XKR9: variants seen among roughly 807,000 people sequenced by gnomAD.
XKR9 encodes XK related 9.
In XKR9, 32 loss-of-function variants were observed where a neutral mutation model predicts 32.0. The ratio of observed to expected loss-of-function variants is 1.00; its 90% CI spans 0.76 to 1.34. The LOEUF is 1.34. Ranked by LOEUF, XKR9 falls within the 40% of genes most tolerant of loss-of-function variation. The probability of loss-of-function intolerance (pLI) is 0.00; values close to 1 mark genes in which losing one functional copy is unlikely to be tolerated. For missense variants in XKR9, 546 were observed against 429.7 expected (o/e 1.27, Z -2.39); for synonymous variants, 168 against 143.4 (o/e 1.17, Z -1.22).
downstream of XKR9, among the ~76,000 whole-genome samples, chr8:70,794,357 T>C (rs938484800): frequency 6.6e-6 from 1 of 152,092 alleles, no homozygotes; most frequent in Non-Finnish European, 1.5e-5. Flanking sequence ...TTCTCTTGCC[T>C]AATTACCTTG....
At chr8:70,989,410 A>T in the XKR9 span, among the ~76,000 whole-genome samples, 1 of 152,212 alleles carries the variant, frequency 6.6e-6, no homozygotes, top group Admixed American at 6.5e-5. Context: ...TGCTTTTAAG[A>T]TTATTAAATT....
At chr8:70,751,256 A>G (rs1807136465) in intron 2 of XKR9, among the ~76,000 whole-genome samples, 1 of 152,150 alleles carries the variant, frequency 6.6e-6, no homozygotes, top group African/African-American at 2.4e-5. Flanking sequence ...CAGCCTCCCA[A>G]GTAGCTGGGA....
chr8:71,050,266 G>GAT, the XKR9 span, among the ~76,000 whole-genome samples: 3,250 of 98,472 alleles, frequency 0.033, 159 homozygotes, highest in African/African-American at 0.11. Context: ...TATATAGATA[G>GAT]ATAGATAGAT....
At chr8:70,743,403 C>T (rs1324306342) in intron 2 of XKR9, among the ~76,000 whole-genome samples, 1 of 152,066 alleles carries the variant, frequency 6.6e-6, no homozygotes, top group Non-Finnish European at 1.5e-5. Flanking sequence ...CATTCATTGC[C>T]TTTTCTCTTG....
downstream of XKR9, among the ~76,000 whole-genome samples, chr8:70,793,955 T>C (rs1807796650): frequency 6.6e-6 from 1 of 152,132 alleles, no homozygotes; most frequent in Admixed American, 6.6e-5. Context: ...AGCTTAACAA[T>C]TTAAGTCTTC....
At chr8:70,930,795 G>A in the XKR9 span, among the ~76,000 whole-genome samples, 1 of 152,164 alleles carries the variant, frequency 6.6e-6, no homozygotes, top group Non-Finnish European at 1.5e-5. Flanking sequence ...ATTTTTAGCA[G>A]TGTCTATCTA....
chr8:70,814,670 C>T, the XKR9 span, among the ~76,000 whole-genome samples: 2 of 152,096 alleles, frequency 1.3e-5, no homozygotes. Flanking sequence ...AAAGTTTCCT[C>T]TAAGAACTGG....
At chr8:71,011,502 G>T in the XKR9 span, among the ~76,000 whole-genome samples, 1 of 152,150 alleles carries the variant, frequency 6.6e-6, no homozygotes, top group Non-Finnish European at 1.5e-5. Flanking sequence ...GACTTCAAAT[G>T]AAACTAAACG....
intron 2 of XKR9, among the ~76,000 whole-genome samples, chr8:70,783,352 A>C (rs1807642181): frequency 6.6e-6 from 1 of 151,760 alleles, no homozygotes; most frequent in South Asian, 2.1e-4. Flanking sequence ...TCAGCCTCCC[A>C]AGTAGCTGGG....
intron 4 of XKR9, among the ~76,000 whole-genome samples, chr8:70,720,636 C>T (rs781221078): frequency 6.6e-5 from 10 of 152,040 alleles, no homozygotes; most frequent in Non-Finnish European, 1.0e-4. Flanking sequence ...GCTGTTCATC[C>T]CAGGGATGAA....
chr8:70,912,709 G>T, the XKR9 span, among the ~76,000 whole-genome samples: 1 of 151,940 alleles, frequency 6.6e-6, no homozygotes, highest in African/African-American at 2.4e-5. Context: ...AGTTGAAACC[G>T]CAGACTGATG....
At chr8:71,008,260 C>G in the XKR9 span, among the ~76,000 whole-genome samples, 1 of 152,162 alleles carries the variant, frequency 6.6e-6, no homozygotes, top group Non-Finnish European at 1.5e-5. Flanking sequence ...CTTTTTGTTG[C>G]TCACCTTATT....
intron 4 of XKR9, among the ~76,000 whole-genome samples, chr8:70,712,612 A>C (rs1444734201): frequency 2.6e-5 from 4 of 152,124 alleles, no homozygotes; most frequent in Non-Finnish European, 5.9e-5. Flanking sequence ...TGCAAGTAAT[A>C]GTGTGTTGAT....
chr8:70,854,683 T>C, the XKR9 span, among the ~76,000 whole-genome samples: 1 of 152,214 alleles, frequency 6.6e-6, no homozygotes, highest in East Asian at 1.9e-4. Context: ...TTAATCCATC[T>C]TGAATTAATT....
At chr8:70,837,680 C>T in the XKR9 span, among the ~76,000 whole-genome samples, 1 of 152,028 alleles carries the variant, frequency 6.6e-6, no homozygotes, top group African/African-American at 2.4e-5. Context: ...CTGGTCTCAA[C>T]CCTGGTTTGG....
chr8:70,730,178 C>A (rs1467105296), intron 4 of XKR9, among the ~76,000 whole-genome samples: 2 of 152,080 alleles, frequency 1.3e-5, no homozygotes, highest in Non-Finnish European at 2.9e-5. Flanking sequence ...CTGCCATTTA[C>A]CCAAAGGGGC....
intron 2 of XKR9, among the ~76,000 whole-genome samples, chr8:70,785,432 CTT>C (rs1807671972): frequency 6.6e-6 from 1 of 151,380 alleles, no homozygotes; most frequent in Admixed American, 6.6e-5. Context: ...CCAATTTTAT[CTT>C]TTTAAAAAAT....
chr8:70,716,176 C>T (rs567697101), intron 4 of XKR9, among the ~76,000 whole-genome samples: 1 of 151,710 alleles, frequency 6.6e-6, no homozygotes, highest in East Asian at 1.9e-4. Flanking sequence ...GAAGATTTTG[C>T]TAAGAAATAA....
At chr8:71,058,564 G>A in the XKR9 span, among the ~76,000 whole-genome samples, 1 of 152,194 alleles carries the variant, frequency 6.6e-6, no homozygotes, top group East Asian at 1.9e-4. Context: ...TAAGAAATTA[G>A]TGAGTGTAAG....
Sources: gnomAD v4.1 joint callset for allele counts (sites outside exome capture counted in the v4.1 genomes callset) on GRCh38, gnomAD v4.1.1 for gene constraint, MANE v1.5 for transcripts, NCBI Gene and HGNC (gene_info 2026-07-23, HGNC 2026-07-21) for gene names.